NXPE3: variants seen among roughly 807,000 people sequenced by gnomAD.
NXPE3 encodes the protein NXPE family member 3.
In NXPE3, 26 loss-of-function variants were observed where a neutral mutation model predicts 46.1. The ratio of observed to expected loss-of-function variants is 0.56; its 90% confidence interval spans 0.41 to 0.78. The LOEUF (loss-of-function observed/expected upper bound fraction) is 0.78. Ranked by LOEUF, NXPE3 falls within the 30% of genes least tolerant of loss-of-function variation. The pLI is 0.00. For synonymous variants in NXPE3, 272 were observed against 257.9 expected (o/e 1.05, Z -0.52); for missense variants, 620 against 686.0 (o/e 0.90, Z 1.07).
At chr3:101,788,583 A>T (rs1192605273) in intron 4 of NXPE3, among the ~76,000 whole-genome samples, 16 of 152,172 alleles carry the variant, frequency 1.1e-4, no homozygotes, top group Non-Finnish European at 2.2e-4. Context: ...AAAATTTGGT[A>T]TCTTAGTTAT....
rs1942551400 is a variant in NXPE3, at chr3:101,827,600, T to G, written c.*5646T>G. 6.6e-6 allele frequency among the ~76,000 whole-genome samples: 1 copy of G among 152,170 alleles called. No homozygotes were observed. The highest frequency in any genetic ancestry group is 2.4e-5 in the African/African-American group (1 of 41,438). On this transcript the variant is annotated 3_prime_UTR_variant, in exon 8 of 8. Coordinates refer to ENST00000273347, the MANE Select transcript of NXPE3 (RefSeq NM_145037.4). ...GAGGTGAATCTAATGAGAAGGCAACTCTAATGCCCATCAGGAGATTCACTA... is the reference window on the plus strand; with the variant it reads ...GAGGTGAATCTAATGAGAAGGCAACGCTAATGCCCATCAGGAGATTCACTA...
intron 7 of NXPE3, among the ~76,000 whole-genome samples, chr3:101,818,519 A>G (rs560275343): frequency 3.2e-4 from 48 of 151,866 alleles, no homozygotes; most frequent in Non-Finnish European, 5.4e-4. Context: ...CTTTACAGAC[A>G]TATCTTCACC....
chr3:101,801,898 A>T lies in NXPE3; in HGVS notation c.757A>T (p.Lys253Ter). The T allele has an allele frequency of 6.2e-7, 1 of 1,614,142 alleles. No homozygotes were observed. Among genetic ancestry groups the T allele is most frequent in the Non-Finnish European group, 8.5e-7 (1 of 1,180,026 alleles). Reference protein sequence around the residue: ...TGEPWFCFKPKKLPCSSRITH... With the variant: ...TGEPWFCFKP ...GGAGCCCTGGTTCTGCTTCAAACCA[A>T]AGAAGCTCCCTTGCAGCAGCAGAAT... The change falls in exon 5 of 8, where the codon AAG becomes TAG. Residue 253 changes from lysine (K) to a stop codon, truncating the protein, a stop_gained. Transcript: ENST00000273347. LOFTEE classifies it high-confidence loss of function.
intron 4 of NXPE3, among the ~76,000 whole-genome samples, chr3:101,797,188 G>A (rs1222934386): frequency 6.6e-6 from 1 of 152,192 alleles, no homozygotes; most frequent in Non-Finnish European, 1.5e-5. Context: ...TTTACTCTGA[G>A]TGAATGTAGT....
intron 4 of NXPE3, among the ~76,000 whole-genome samples, chr3:101,790,796 A>G (rs1036162655): frequency 6.6e-6 from 1 of 151,978 alleles, no homozygotes; most frequent in Non-Finnish European, 1.5e-5. Context: ...GGGTTTCGCC[A>G]CATTGCCCAG....
intron 6 of NXPE3, among the ~76,000 whole-genome samples, chr3:101,808,854 T>TATATATATCCATATATATATAC (rs770360739): frequency 1.0e-5 from 1 of 100,348 alleles, no homozygotes; most frequent in East Asian, 2.8e-4. Context: ...TATATATATA[T>TATATATATCCATATATATATAC]ATGAGACATT....
rs1942553213 is a variant in NXPE3, at chr3:101,827,642, C to T, written c.*5688C>T. Among the ~76,000 whole-genome samples, 1 of 152,160 alleles carries T rather than the reference C, an allele frequency of 6.6e-6. No individual in the cohort carries two copies. The highest frequency in any genetic ancestry group is 6.5e-5 in the Admixed American group (1 of 15,280). On this transcript the variant is annotated 3_prime_UTR_variant, in exon 8 of 8. Transcript: ENST00000273347. ...GATTCACTAGGACATTTTAAAAGGA[C>T]GTCTTTAAGGAAAAAGTTTTGTTTG...
intron 4 of NXPE3, among the ~76,000 whole-genome samples, chr3:101,797,859 A>G (rs535983271): frequency 4.7e-5 from 2 of 42,622 alleles, no homozygotes; most frequent in African/African-American, 9.7e-5. Flanking sequence ...AGTCTTTGCT[A>G]TTGTGAATAA....
At chr3:101,780,929 TTCA>T (rs1939783724) in intron 1 of NXPE3, among the ~76,000 whole-genome samples, 1 of 152,176 alleles carries the variant, frequency 6.6e-6, no homozygotes, top group Non-Finnish European at 1.5e-5. Context: ...CTGCCCCTGC[TTCA>T]TCTTTTTTCA....
chr3:101,822,176 CTTAA>C lies in NXPE3; in HGVS notation c.*223_*226del. ...ATGTTGACTTAGCCATGGTAGAACT[CTTAA>C]CTGCATCTACACACTATATTGCTCT... is the stretch of plus-strand genomic sequence containing the variant. On this transcript the variant is annotated 3_prime_UTR_variant, in exon 8 of 8. Transcript: ENST00000273347. 2.0e-6 allele frequency: 1 copy of C among 502,250 alleles called. No individual in the cohort carries two copies. The allele number at this position is 502,250 out of a possible 1,614,324, so 31.1% of individuals were successfully genotyped here. A position where few individuals can be genotyped will look rare whatever the true frequency, so the allele number is the denominator to read the frequency against.
chr3:101,815,995 G>A (rs892977338), intron 6 of NXPE3, among the ~76,000 whole-genome samples: 11 of 148,052 alleles, frequency 7.4e-5, no homozygotes, highest in African/African-American at 1.0e-4. Context: ...ACTCTGTCTC[G>A]GAAAAAAAAA....
chr3:101,801,713 G>A lies in NXPE3; in HGVS notation c.572G>A (p.Ser191Asn), dbSNP rs1941163349. The change falls in exon 5 of 8, where the codon AGT becomes AAT. Residue 191 changes from serine (S) to asparagine (N), a missense_variant. Physicochemically the swap from Ser to Asn is conservative, Grantham distance 46. Transcript: ENST00000273347. The stretch of plus-strand genomic sequence containing the variant: ...GTATCCGTATCTCTGGTCCACCCCA[G>A]TGAAGGGATCAGAGTTCTTCAGCGC... ...VKVSVSLVHP[S>N]EGIRVLQRLQ... The A allele has an allele frequency of 6.2e-7, 1 of 1,614,104 alleles. No homozygotes were observed. The highest frequency in any genetic ancestry group is 8.5e-7 in the Non-Finnish European group (1 of 1,180,052).
intron 4 of NXPE3, among the ~76,000 whole-genome samples, chr3:101,798,600 A>G (rs1357234786): frequency 2.4e-5 from 3 of 127,338 alleles, no homozygotes; most frequent in African/African-American, 8.9e-5. Context: ...ATATATATAT[A>G]TATTTTTTTT....
chr3:101,816,873 G>A lies in NXPE3; in HGVS notation c.1001G>A (p.Arg334Lys). The A allele has an allele frequency of 1.9e-6, 3 of 1,614,132 alleles. No homozygotes were observed. The highest frequency in any genetic ancestry group is 2.5e-6 in the Non-Finnish European group (3 of 1,179,998). The part of the protein sequence containing the change: ...GYYYKDQWRP[R>K]KFKMRQFNDP... The stretch of plus-strand genomic sequence containing the variant: ...TATTATAAAGACCAGTGGAGGCCCA[G>A]AAAGTTTAAGATGCGTCAGTTTAAT... The change falls in exon 7 of 8, where the codon AGA becomes AAA. Residue 334 changes from arginine (R) to lysine (K), a missense_variant. Arg to Lys is a conservative substitution (Grantham distance 26). This residue lies in a region of NXPE3 where 511 missense variants were observed against 528.6 expected (regional missense o/e 0.97). Transcript: ENST00000273347.
intron 7 of NXPE3, 89 bp from the exon 8 acceptor site, chr3:101,821,315 T>A: frequency 2.9e-6 from 3 of 1,045,314 alleles, no homozygotes; most frequent in Non-Finnish European, 4.2e-6. Context: ...TAAAAAAAAA[T>A]TGTTATTTGA....
rs149770668 is a variant in NXPE3, at chr3:101,788,853, C to A, written c.93+3164C>A. ...CGGGTCTTGAACTCTTGACCTCAGG[C>A]GATCCACCCACCTCGGCCTCCCAAA... On this transcript the variant is annotated intron_variant, in intron 4 of 7. Coordinates refer to ENST00000273347, the MANE Select transcript of NXPE3 (RefSeq NM_145037.4). Among the ~76,000 whole-genome samples the A allele has an allele frequency of 2.0e-5, 3 of 151,980 alleles. No individual in the cohort carries two copies. In the East Asian group the frequency reaches 5.8e-4, roughly 29 times the overall value.
In NXPE3 at chr3:101,826,007, A is replaced by G. The variant is rs1156882597; in HGVS notation, c.*4053A>G. 1 of 152,188 alleles carries G rather than the reference A, an allele frequency of 6.6e-6. No individual in the cohort carries two copies. The highest frequency in any genetic ancestry group is 2.4e-5 in the African/African-American group (1 of 41,460). 9.4% of individuals were successfully genotyped at this position (152,188 alleles called of 1,614,324 possible). A position where few individuals can be genotyped will look rare whatever the true frequency, so the allele number is the denominator to read the frequency against. On this transcript the variant is annotated 3_prime_UTR_variant, in exon 8 of 8. Coordinates refer to ENST00000273347, the MANE Select transcript of NXPE3 (RefSeq NM_145037.4). ...GACCTTTGGTGTTCCAGTATGATTC[A>G]TTTTGCCATTCTGAACAACTATCAT...
chr3:101,799,121 T>G (rs1479899464), intron 4 of NXPE3, among the ~76,000 whole-genome samples: 5 of 151,782 alleles, frequency 3.3e-5, no homozygotes, highest in Non-Finnish European at 5.9e-5. Context: ...AAAATTCTTG[T>G]AGAGATGGGG....
At position 101,822,018 on chromosome 3, in the gene NXPE3, A is replaced by C; in HGVS notation, c.*64A>C. ...CCTTCTCAATTGACCTGAGTTACAG[A>C]AAGTGGCCCCAGTGAGAGATGACTG... On this transcript the variant is annotated 3_prime_UTR_variant, in exon 8 of 8. Coordinates refer to ENST00000273347, the MANE Select transcript of NXPE3 (RefSeq NM_145037.4). 1 of 1,491,306 alleles carries C rather than the reference A, an allele frequency of 6.7e-7. No individual in the cohort carries two copies. The highest frequency in any genetic ancestry group is 9.2e-7 in the Non-Finnish European group (1 of 1,091,294). 92.4% of individuals were successfully genotyped at this position (1,491,306 alleles called of 1,614,324 possible). A position where few individuals can be genotyped will look rare whatever the true frequency, so the allele number is the denominator to read the frequency against.
Sources: gnomAD v4.1 joint callset for allele counts (sites outside exome capture counted in the v4.1 genomes callset) on GRCh38, gnomAD v4.1.1 for gene constraint, gnomAD v4.1.1 regional missense constraint, MANE v1.5 for transcripts, NCBI Gene and HGNC (gene_info 2026-07-23, HGNC 2026-07-21) for gene names.